Variants in ADAMTSL1 observed in about 807,000 individuals in gnomAD.
The protein encoded by ADAMTSL1 is ADAMTS-like protein 1.
A neutral mutation model predicts 201.8 loss-of-function variants in ADAMTSL1; 126 were observed. That is an observed-to-expected ratio of 0.62 (90% CI 0.54 to 0.72). The LOEUF (loss-of-function observed/expected upper bound fraction) is 0.72. Among genes scored for constraint, ADAMTSL1 ranks in the 30% least tolerant of loss-of-function variants. The pLI is 0.00. For synonymous variants in ADAMTSL1, 1,121 were observed against 903.4 expected, an observed-to-expected ratio of 1.24 and a Z score of -4.32; for missense variants, 2,679 against 2,277.8, an observed-to-expected ratio of 1.18 and a Z score of -3.59.
chr9:18,398,142 C>T (rs1231710746), intron 2 of ADAMTSL1, among the ~76,000 whole-genome samples: 2 of 152,118 alleles, frequency 1.3e-5, no homozygotes, highest in Non-Finnish European at 2.9e-5. Context: ...TATCATCTTA[C>T]TAAATTTCTC....
intron 2 of ADAMTSL1, among the ~76,000 whole-genome samples, chr9:18,191,031 A>G (rs960897717): frequency 1.3e-5 from 2 of 152,146 alleles, no homozygotes; most frequent in African/African-American, 4.8e-5. Context: ...ATCCTCTCAT[A>G]ATTGTTTTTA....
At chr9:18,278,328 C>T (rs1207117759) in intron 2 of ADAMTSL1, among the ~76,000 whole-genome samples, 1 of 152,158 alleles carries the variant, frequency 6.6e-6, no homozygotes, top group Non-Finnish European at 1.5e-5. Flanking sequence ...ATTTCTGGTA[C>T]AGCAGGTCTA....
intron 1 of ADAMTSL1, among the ~76,000 whole-genome samples, chr9:17,957,902 A>C (rs2131389979): frequency 6.6e-6 from 1 of 152,290 alleles, no homozygotes; most frequent in Non-Finnish European, 1.5e-5. Flanking sequence ...CTTCAGAGGA[A>C]GCGTGGCCCT....
intron 1 of ADAMTSL1, among the ~76,000 whole-genome samples, chr9:17,998,583 G>C (rs568958724): frequency 6.6e-6 from 1 of 152,160 alleles, no homozygotes; most frequent in South Asian, 2.1e-4. Context: ...GGTATGTTTA[G>C]TTATATGTAT....
intron 2 of ADAMTSL1, among the ~76,000 whole-genome samples, chr9:18,446,832 C>A (rs192029804): frequency 5.7e-4 from 87 of 152,250 alleles, no homozygotes; most frequent in African/African-American, 2.0e-3. Context: ...TGGACCATAT[C>A]CAAAGAGAAG....
intron 1 of ADAMTSL1, among the ~76,000 whole-genome samples, chr9:18,057,113 G>A (rs1822227011): frequency 1.3e-5 from 2 of 152,184 alleles, no homozygotes; most frequent in Non-Finnish European, 2.9e-5. Flanking sequence ...GTACAGCAGA[G>A]ACCTTCCCAC....
chr9:18,001,282 T>C (rs1262523171), intron 1 of ADAMTSL1, among the ~76,000 whole-genome samples: 2 of 152,052 alleles, frequency 1.3e-5, no homozygotes, highest in Non-Finnish European at 2.9e-5. Context: ...ATGAAATATA[T>C]AGGAGAAATA....
chr9:18,320,365 T>C (rs1834570039), intron 2 of ADAMTSL1, among the ~76,000 whole-genome samples: 1 of 152,204 alleles, frequency 6.6e-6, no homozygotes, highest in Admixed American at 6.5e-5. Context: ...TCAATATCTT[T>C]AAAGTCCTGA....
chr9:17,963,316 T>C (rs934397121), intron 1 of ADAMTSL1, among the ~76,000 whole-genome samples: 2 of 152,172 alleles, frequency 1.3e-5, no homozygotes, highest in Admixed American at 1.3e-4. Context: ...CTTTATATGG[T>C]TGGAGTTTTT....
At chr9:18,558,115 C>G (rs898144301) in intron 3 of ADAMTSL1, among the ~76,000 whole-genome samples, 2 of 151,980 alleles carry the variant, frequency 1.3e-5, no homozygotes, top group Admixed American at 1.3e-4. Context: ...ACCCATCAAC[C>G]CATCATCTAC....
intron 1 of ADAMTSL1, among the ~76,000 whole-genome samples, chr9:17,992,704 G>T (rs771589043): frequency 1.3e-5 from 2 of 152,094 alleles, no homozygotes; most frequent in Admixed American, 6.6e-5. Context: ...CTGCAGCCTG[G>T]GTGAACGGGC....
intron 2 of ADAMTSL1, among the ~76,000 whole-genome samples, chr9:18,215,009 G>GA (rs1830011823): frequency 1.3e-5 from 2 of 151,892 alleles, no homozygotes; most frequent in South Asian, 2.1e-4. Context: ...ACTCAGCATT[G>GA]AAAAAATTGA....
intron 2 of ADAMTSL1, among the ~76,000 whole-genome samples, chr9:18,399,656 AC>A (rs1817908964): frequency 6.6e-6 from 1 of 151,934 alleles, no homozygotes; most frequent in South Asian, 2.1e-4. Flanking sequence ...TGGCTACTTT[AC>A]CTTTATTTTA....
intron 2 of ADAMTSL1, among the ~76,000 whole-genome samples, chr9:18,390,796 AC>A (rs1407306645): frequency 3.3e-5 from 5 of 152,162 alleles, no homozygotes; most frequent in Non-Finnish European, 7.3e-5. Flanking sequence ...ATACAAAAAA[AC>A]AAAACAAAAC....
chr9:18,359,824 C>CCCT (rs1836429505), intron 2 of ADAMTSL1, among the ~76,000 whole-genome samples: 1 of 81,528 alleles, frequency 1.2e-5, no homozygotes, highest in Non-Finnish European at 2.4e-5. Context: ...CACCTCCCCA[C>CCCT]CCGCCCCCCC....
At chr9:18,298,033 T>A (rs908945457) in intron 2 of ADAMTSL1, among the ~76,000 whole-genome samples, 1 of 152,224 alleles carries the variant, frequency 6.6e-6, no homozygotes, top group Non-Finnish European at 1.5e-5. Context: ...CAGGTTTGAA[T>A]TAGTCTCCAT....
chr9:18,707,061 G>C lies in ADAMTSL1; in HGVS notation c.1876+13G>C. 6.2e-7 allele frequency: 1 copy of C among 1,606,864 alleles called. No individual in the cohort carries two copies. Among genetic ancestry groups the C allele is most frequent in the South Asian group, 1.1e-5 (1 of 90,426 alleles). ...TCCTGTGGAGGAGGTAAGAAAGGGG[G>C]CTCTGGCTCAGATCCCCGCCATCTT... is the stretch of plus-strand genomic sequence containing the variant. On this transcript the variant is annotated intron_variant, in intron 14 of 28. Coordinates refer to ENST00000380548, the MANE Select transcript of ADAMTSL1 (RefSeq NM_001040272.6).
At chr9:18,002,655 T>C (rs1292167118) in intron 1 of ADAMTSL1, among the ~76,000 whole-genome samples, 2 of 152,030 alleles carry the variant, frequency 1.3e-5, no homozygotes, top group African/African-American at 4.8e-5. Context: ...AATGTCAATC[T>C]TATAGGGTAT....
At chr9:18,454,196 G>A (rs1820518826) in intron 2 of ADAMTSL1, among the ~76,000 whole-genome samples, 1 of 152,184 alleles carries the variant, frequency 6.6e-6, no homozygotes, top group African/African-American at 2.4e-5. Flanking sequence ...CAAGGCCAAA[G>A]GCCTGAGAAT....
Sources: allele counts gnomAD v4.1 joint callset (sites outside exome capture counted in the v4.1 genomes callset), GRCh38; gene constraint gnomAD v4.1.1; transcripts MANE v1.5; gene names NCBI Gene and HGNC (gene_info 2026-07-23, HGNC 2026-07-21).